PARD3B: variants seen among roughly 807,000 people sequenced by gnomAD.
The protein encoded by PARD3B is par-3 family cell polarity regulator beta, also known as partitioning defective 3 homolog B.
In PARD3B, 103 loss-of-function variants were observed where a neutral mutation model predicts 130.2. The observed-to-expected ratio is 0.79, with a 90% CI of 0.67 to 0.93. The LOEUF is 0.93. PARD3B is among the 40% of genes least tolerant of loss of function. The probability of loss-of-function intolerance (pLI) is 0.00; values close to 1 mark genes in which losing one functional copy is unlikely to be tolerated. For synonymous variants in PARD3B, 583 were observed against 553.2 expected, an observed-to-expected ratio of 1.05 and a Z score of -0.76; for missense variants, 1,609 against 1,499.2, an observed-to-expected ratio of 1.07 and a Z score of -1.21.
chr2:204,863,224 T>C (rs1415848398), intron 2 of PARD3B, among the ~76,000 whole-genome samples: 1 of 152,170 alleles, frequency 6.6e-6, no homozygotes, highest in Non-Finnish European at 1.5e-5. Context: ...GAGGCCTTAT[T>C]CATTGTTGCA....
At chr2:205,374,048 T>G (rs989545061) in intron 18 of PARD3B, among the ~76,000 whole-genome samples, 1 of 152,000 alleles carries the variant, frequency 6.6e-6, no homozygotes, top group Non-Finnish European at 1.5e-5. Context: ...GTCTTGAGGA[T>G]TGGGGAAAAG....
intron 18 of PARD3B, among the ~76,000 whole-genome samples, chr2:205,319,900 C>T (rs1004154648): frequency 6.6e-6 from 1 of 152,024 alleles, no homozygotes; most frequent in African/African-American, 2.4e-5. Flanking sequence ...AAAACTCGGC[C>T]GGGTGTGGTG....
At chr2:204,732,545 C>G (rs1338598581) in intron 2 of PARD3B, among the ~76,000 whole-genome samples, 1 of 150,010 alleles carries the variant, frequency 6.7e-6, no homozygotes, top group Non-Finnish European at 1.5e-5. Flanking sequence ...CGCTCTGTCG[C>G]CCAGGCTGGA....
At chr2:205,283,186 T>C (rs1436823625) in intron 16 of PARD3B, among the ~76,000 whole-genome samples, 1 of 152,244 alleles carries the variant, frequency 6.6e-6, no homozygotes, top group Non-Finnish European at 1.5e-5. Flanking sequence ...GATTCACATT[T>C]GTTCACAATA....
chr2:204,986,350 A>C (rs62173486), intron 3 of PARD3B, among the ~76,000 whole-genome samples: 4,177 of 152,256 alleles, frequency 0.027, 79 homozygotes, highest in Middle Eastern at 0.044. Flanking sequence ...AAACATGTCT[A>C]TACGACTATG....
intron 11 of PARD3B, among the ~76,000 whole-genome samples, chr2:205,170,091 C>T (rs2035067471): frequency 6.6e-6 from 1 of 152,000 alleles, no homozygotes; most frequent in Non-Finnish European, 1.5e-5. Context: ...CCACCGCGCC[C>T]AGCTAATTTT....
intron 1 of PARD3B, among the ~76,000 whole-genome samples, chr2:204,582,171 T>A (rs1295221714): frequency 5.3e-5 from 8 of 152,162 alleles, no homozygotes; most frequent in Non-Finnish European, 8.8e-5. Context: ...ATAGGTTGCT[T>A]AAACGTACAG....
chr2:205,380,934 G>GAATATATTATATGTAATATATAAAT (rs1559034975), intron 18 of PARD3B, among the ~76,000 whole-genome samples: 31 of 81,378 alleles, frequency 3.8e-4, no homozygotes, highest in African/African-American at 5.1e-4. Context: ...AATATATAAA[G>GAATATATTATATGTAATATATAAAT]AATATATATA....
intron 11 of PARD3B, among the ~76,000 whole-genome samples, chr2:205,161,419 C>T (rs1036729140): frequency 6.6e-6 from 1 of 152,100 alleles, no homozygotes; most frequent in African/African-American, 2.4e-5. Context: ...TGAACTTAGC[C>T]TTCTTGTGAA....
chr2:205,237,724 A>C (rs2039132359), intron 15 of PARD3B, among the ~76,000 whole-genome samples: 1 of 152,226 alleles, frequency 6.6e-6, no homozygotes, highest in Non-Finnish European at 1.5e-5. Context: ...TCACTACCCT[A>C]GTGGTCAGTT....
At chr2:205,508,962 ATT>A (rs199907976) in intron 21 of PARD3B, among the ~76,000 whole-genome samples, 6 of 140,964 alleles carry the variant, frequency 4.3e-5, no homozygotes, top group Admixed American at 1.4e-4. Context: ...AATAAACTGA[ATT>A]TTTTTTTTTT....
At chr2:205,140,871 C>T (rs951291133) in intron 10 of PARD3B, among the ~76,000 whole-genome samples, 3 of 151,986 alleles carry the variant, frequency 2.0e-5, no homozygotes, top group African/African-American at 7.3e-5. Context: ...AAAATGAAGT[C>T]GAAAAGGCAT....
At chr2:205,179,264 A>G (rs190261648) in intron 13 of PARD3B, among the ~76,000 whole-genome samples, 17 of 152,356 alleles carry the variant, frequency 1.1e-4, no homozygotes, top group African/African-American at 3.1e-4. Flanking sequence ...TTAAATTAAA[A>G]TTTATAAAGT....
At chr2:204,921,553 G>T (rs1300690977) in intron 2 of PARD3B, among the ~76,000 whole-genome samples, 1 of 152,052 alleles carries the variant, frequency 6.6e-6, no homozygotes, top group East Asian at 1.9e-4. Context: ...AAAAAGAAAG[G>T]AATAAAAGCA....
chr2:204,662,198 C>T (rs533973662), intron 1 of PARD3B, among the ~76,000 whole-genome samples: 4 of 152,156 alleles, frequency 2.6e-5, no homozygotes, highest in South Asian at 2.1e-4. Context: ...CAAATAGTGA[C>T]AGATTTTATT....
intron 10 of PARD3B, among the ~76,000 whole-genome samples, chr2:205,155,864 C>T (rs2034087243): frequency 6.6e-6 from 1 of 152,114 alleles, no homozygotes. Flanking sequence ...AGTGTCTGTT[C>T]ATGTCCTTCG....
At chr2:204,791,603 T>C (rs2042207947) in intron 2 of PARD3B, among the ~76,000 whole-genome samples, 1 of 152,256 alleles carries the variant, frequency 6.6e-6, no homozygotes, top group South Asian at 2.1e-4. Flanking sequence ...AGGACTCTTT[T>C]TCAGTGGCTT....
intron 2 of PARD3B, among the ~76,000 whole-genome samples, chr2:204,874,441 C>T (rs1278751338): frequency 1.3e-5 from 2 of 152,102 alleles, no homozygotes; most frequent in Non-Finnish European, 2.9e-5. Context: ...AAAACATTCA[C>T]CTCAAAAGAC....
intron 18 of PARD3B, among the ~76,000 whole-genome samples, chr2:205,333,815 G>A (rs972549368): frequency 6.6e-6 from 1 of 151,958 alleles, no homozygotes; most frequent in Non-Finnish European, 1.5e-5. Context: ...CTAAGATGGT[G>A]GTGGGCCTGT....
Sources: gnomAD v4.1 joint callset for allele counts (sites outside exome capture counted in the v4.1 genomes callset) on GRCh38, gnomAD v4.1.1 for gene constraint, MANE v1.5 for transcripts, NCBI Gene and HGNC (gene_info 2026-07-23, HGNC 2026-07-21) for gene names.